Variants in KIAA0586 observed in about 807,000 individuals in gnomAD.
The protein encoded by KIAA0586 is protein TALPID3.
In KIAA0586, 144 loss-of-function variants were observed where a neutral mutation model predicts 169.8. That is an observed-to-expected ratio of 0.85 (90% CI 0.74 to 0.97). The LOEUF (loss-of-function observed/expected upper bound fraction) is 0.97. Ranked by LOEUF, KIAA0586 falls within the 50% of genes least tolerant of loss-of-function variation. KIAA0586 has a pLI of 0.00. For synonymous variants in KIAA0586, 625 were observed against 612.4 expected (o/e 1.02, Z -0.30); for missense variants, 1,854 against 1,823.0 (o/e 1.02, Z -0.31).
chr14:58,487,746 T>G, intron 22 of KIAA0586, 141 bp from the exon 23 acceptor site: 1 of 611,922 alleles, frequency 1.6e-6, no homozygotes, highest in Non-Finnish European at 2.9e-6. Context: ...CTACCACCAT[T>G]GTCATTATTA....
At chr14:58,557,785 G>C in the KIAA0586 span, among the ~76,000 whole-genome samples, 1 of 151,602 alleles carries the variant, frequency 6.6e-6, no homozygotes, top group Non-Finnish European at 1.5e-5. Context: ...TATACAAAGT[G>C]TAGAGTTGCT....
chr14:58,519,807 T>C (rs935794965), intron 29 of KIAA0586, among the ~76,000 whole-genome samples: 1 of 152,176 alleles, frequency 6.6e-6, no homozygotes, highest in Admixed American at 6.5e-5. Flanking sequence ...GATTACATCA[T>C]TTGCTATTAA....
At chr14:58,474,492 C>T in intron 18 of KIAA0586, 115 bp from the exon 19 acceptor site, 1 of 613,864 alleles carries the variant, frequency 1.6e-6, no homozygotes, top group Non-Finnish European at 2.7e-6. Context: ...ATTAGAAATG[C>T]TGTTGGTTAA....
chr14:58,530,422 C>T lies in KIAA0586; in HGVS notation c.4430-9649C>T, dbSNP rs188384960. Among the ~76,000 whole-genome samples the T allele has an allele frequency of 3.0e-4, 46 of 152,282 alleles. 1 individual carries two copies. The East Asian group carries it at 6.0e-3, about 20-fold the overall frequency. On this transcript the variant is annotated intron_variant, in intron 29 of 30. Transcript: ENST00000652326. ...AAAAAGAACAAAGCTGGAGGCATCA[C>T]GCTACCTGACTTCAAACTATATTAC...
intron 3 of KIAA0586, 144 bp downstream of exon 3, chr14:58,430,861 T>A: frequency 1.8e-6 from 1 of 571,364 alleles, no homozygotes; most frequent in South Asian, 2.5e-5. Context: ...CAGAGCTTTG[T>A]CATCTCTCCC....
At chr14:58,559,773 G>T in the KIAA0586 span, among the ~76,000 whole-genome samples, 2 of 152,138 alleles carry the variant, frequency 1.3e-5, no homozygotes, top group African/African-American at 2.4e-5. Context: ...ATGGTTTCCC[G>T]CTGCCTGTAA....
chr14:58,515,876 C>T lies in KIAA0586; in HGVS notation c.4429+3249C>T, dbSNP rs148459688. ...AGGAAATTGGAAAGAGTGTCACTTTCACCCTAACTATAATAAAATGTCAGA... is the reference window on the plus strand; with the variant it reads ...AGGAAATTGGAAAGAGTGTCACTTTTACCCTAACTATAATAAAATGTCAGA... On this transcript the variant is annotated intron_variant, in intron 29 of 30. Transcript: ENST00000652326. Among the ~76,000 whole-genome samples, 49 of 151,472 alleles carry T rather than the reference C, an allele frequency of 3.2e-4. No homozygotes were observed. In the East Asian group the frequency reaches 8.9e-3, roughly 28 times the overall value.
At chr14:58,453,562 G>A (rs2039579252) in intron 9 of KIAA0586, 89 bp downstream of exon 9, 9 of 844,756 alleles carry the variant, frequency 1.1e-5, no homozygotes, top group South Asian at 5.8e-5. Context: ...ATAAATTATA[G>A]CATTGCTTCT....
intron 26 of KIAA0586, among the ~76,000 whole-genome samples, chr14:58,494,826 C>G (rs2141264854): frequency 6.6e-6 from 1 of 152,262 alleles, no homozygotes; most frequent in South Asian, 2.1e-4. Context: ...GCTAGGCCTT[C>G]ATGTTCCCTG....
intron 29 of KIAA0586, chr14:58,522,050 A>G (rs2045267294): frequency 1.0e-6 from 1 of 979,950 alleles, no homozygotes; most frequent in Non-Finnish European, 1.6e-6. Flanking sequence ...TGCTTGTCTA[A>G]GATCAAATTT....
intron 27 of KIAA0586, among the ~76,000 whole-genome samples, chr14:58,502,615 A>G (rs969723915): frequency 2.0e-5 from 3 of 152,152 alleles, no homozygotes; most frequent in Non-Finnish European, 4.4e-5. Context: ...CTATCTCATT[A>G]TGGTTATTAG....
intron 14 of KIAA0586, among the ~76,000 whole-genome samples, chr14:58,461,893 T>C (rs1202451624): frequency 6.6e-6 from 1 of 152,232 alleles, no homozygotes; most frequent in Non-Finnish European, 1.5e-5. Flanking sequence ...TCACATCTAC[T>C]GTTTCACTGG....
chr14:58,494,194 A>T (rs1435444022), intron 26 of KIAA0586, among the ~76,000 whole-genome samples: 6 of 149,538 alleles, frequency 4.0e-5, no homozygotes, highest in Middle Eastern at 6.8e-3. Context: ...CTTATCCCTT[A>T]AATTTTCTGT....
At chr14:58,484,896 A>ATATATATTTATATATATTTTTATAT (rs1397867264) in intron 21 of KIAA0586, among the ~76,000 whole-genome samples, 1 of 5,084 alleles carries the variant, frequency 2.0e-4, no homozygotes, top group Admixed American at 4.5e-3. Flanking sequence ...ATATTTATAT[A>ATATATATTTATATATATTTTTATAT]TATATATATA....
chr14:58,522,625 C>T (rs375644335), intron 29 of KIAA0586, among the ~76,000 whole-genome samples: 5 of 152,058 alleles, frequency 3.3e-5, no homozygotes, highest in African/African-American at 1.2e-4. Context: ...TCAAAATAAA[C>T]AAGTCCTTAT....
chr14:58,561,988 G>A, the KIAA0586 span, among the ~76,000 whole-genome samples: 27 of 152,184 alleles, frequency 1.8e-4, no homozygotes, highest in Non-Finnish European at 3.5e-4. Context: ...ACTTTCCTTG[G>A]GAATTATCTA....
the KIAA0586 span, among the ~76,000 whole-genome samples, chr14:58,557,901 CTTTTTTTTTTTT>C: frequency 2.4e-5 from 1 of 42,500 alleles, no homozygotes; most frequent in Admixed American, 4.0e-4. Flanking sequence ...CCTGAGAAAT[CTTTTTTTTTTTT>C]TTTTTTTTTT....
In KIAA0586 at chr14:58,456,760, G is replaced by C. The variant is rs1254354302; in HGVS notation, c.1312G>C (p.Val438Leu). The C allele has an allele frequency of 1.2e-6, 2 of 1,605,794 alleles. No homozygotes were observed. Among genetic ancestry groups the C allele is most frequent in the South Asian group, 2.2e-5 (2 of 89,006 alleles). ...AGTGACTATGCAGAAGTCTGATGAT[G>C]TTCTTCATGACCTTGGCCAAAAAGA... ...TKVTMQKSDD[V>L]LHDLGQKEKE... is the part of the protein sequence containing the mutation. The change falls in exon 10 of 31, where the codon GTT (valine) becomes CTT (leucine). Residue 438 changes from valine (V) to leucine (L), a missense_variant. Transcript: ENST00000652326.
chr14:58,542,402 G>A (rs558413751), intron 30 of KIAA0586, among the ~76,000 whole-genome samples: 87 of 152,040 alleles, frequency 5.7e-4, no homozygotes, highest in Admixed American at 9.8e-4. Flanking sequence ...GCTTGATCCC[G>A]GGAGGTGGAG....
Sources: allele counts gnomAD v4.1 joint callset (sites outside exome capture counted in the v4.1 genomes callset), GRCh38; gene constraint gnomAD v4.1.1; transcripts MANE v1.5; gene names NCBI Gene and HGNC (gene_info 2026-07-23, HGNC 2026-07-21).